The following CLPB variants were observed in gnomAD, a reference collection of about 807,000 sequenced individuals.
The protein encoded by CLPB is ClpB family mitochondrial disaggregase, also known as mitochondrial disaggregase.
A neutral mutation model predicts 78.4 loss-of-function variants in CLPB; 40 were observed. That is an observed-to-expected ratio of 0.51 (90% CI 0.40 to 0.66). CLPB has a LOEUF of 0.66. CLPB is among the 30% of genes least tolerant of loss of function. The pLI, the probability that CLPB is intolerant of heterozygous loss-of-function variation, is 0.00. For missense variants in CLPB, 780 were observed against 886.9 expected, an observed-to-expected ratio of 0.88 and a Z score of 1.53; for synonymous variants, 333 against 348.0, an observed-to-expected ratio of 0.96 and a Z score of 0.48.
At chr11:72,300,303 C>T (rs1167389424) in intron 11 of CLPB, among the ~76,000 whole-genome samples, 1 of 152,122 alleles carries the variant, frequency 6.6e-6, no homozygotes, top group Non-Finnish European at 1.5e-5. Flanking sequence ...CTGAAGACAG[C>T]GAATGGCACA....
At chr11:72,304,104 C>T (rs1949705737) in intron 9 of CLPB, 1 of 152,172 alleles carries the variant, frequency 6.6e-6, no homozygotes, top group Non-Finnish European at 1.5e-5. Flanking sequence ...GGGTTCTCAC[C>T]CTAGTTCTTC....
intron 11 of CLPB, among the ~76,000 whole-genome samples, chr11:72,299,129 G>A (rs758283048): frequency 6.6e-6 from 1 of 152,080 alleles, no homozygotes; most frequent in African/African-American, 2.4e-5. Flanking sequence ...TGTGTTCGCC[G>A]CCTTAGCTGA....
At chr11:72,372,947 T>A in intron 4 of CLPB, 2 of 1,614,082 alleles carry the variant, frequency 1.2e-6, no homozygotes, top group Non-Finnish European at 1.7e-6. Flanking sequence ...GTCCTAGCCA[T>A]CTCCTGAACT....
At chr11:72,407,712 T>C (rs1855750448) in intron 2 of CLPB, among the ~76,000 whole-genome samples, 2 of 151,650 alleles carry the variant, frequency 1.3e-5, no homozygotes, top group South Asian at 4.2e-4. Flanking sequence ...AGTGGCACGA[T>C]CTCGGCTCAC....
At chr11:72,370,094 C>T (rs1336046898) in intron 4 of CLPB, among the ~76,000 whole-genome samples, 1 of 152,146 alleles carries the variant, frequency 6.6e-6, no homozygotes, top group Admixed American at 6.5e-5. Context: ...TTCCTGCTAT[C>T]CATATAAATG....
chr11:72,293,212 G>T lies in CLPB; in HGVS notation c.*155C>A. Reference sequence around the variant, plus strand: ...CGAAATTCCTCCTTCAGGTTTTGGGGCTGAGAAGGGGTCTTCATGGGCTGT... The same window carrying T: ...CGAAATTCCTCCTTCAGGTTTTGGGTCTGAGAAGGGGTCTTCATGGGCTGT... On this transcript the variant is annotated 3_prime_UTR_variant, in exon 16 of 16. Transcript: ENST00000538039. 2.2e-6 allele frequency: 2 copies of T among 915,268 alleles called. No individual in the cohort carries two copies. The highest frequency in any genetic ancestry group is 1.6e-6 in the Non-Finnish European group (1 of 614,936). The allele number at this position is 915,268 out of a possible 1,614,324, so 56.7% of individuals were successfully genotyped here. A position where few individuals can be genotyped will look rare whatever the true frequency, so the allele number is the denominator to read the frequency against.
chr11:72,404,525 C>A (rs1289971891), intron 2 of CLPB, among the ~76,000 whole-genome samples: 1 of 152,202 alleles, frequency 6.6e-6, no homozygotes, highest in Non-Finnish European at 1.5e-5. Flanking sequence ...ACTGTCAAAG[C>A]CCAAGGGGGA....
chr11:72,298,442 C>A (rs1315286626), intron 11 of CLPB, among the ~76,000 whole-genome samples: 1 of 152,196 alleles, frequency 6.6e-6, no homozygotes, highest in Non-Finnish European at 1.5e-5. Context: ...TTGTCAGTGT[C>A]CCCTCTACCC....
chr11:72,359,100 C>A (rs1950783930), intron 4 of CLPB, 92 bp from the exon 5 acceptor site: 2 of 1,582,838 alleles, frequency 1.3e-6, no homozygotes, highest in East Asian at 4.5e-5. Context: ...AATTCACTCA[C>A]TCATCTACCT....
At chr11:72,357,268 T>A (rs758540246) in intron 5 of CLPB, 3 of 152,226 alleles carry the variant, frequency 2.0e-5, no homozygotes, top group African/African-American at 7.2e-5. Flanking sequence ...CAGAGGCCAA[T>A]GAGAAGATGA....
chr11:72,341,455 T>C (rs1053986492), intron 5 of CLPB, among the ~76,000 whole-genome samples: 3 of 152,182 alleles, frequency 2.0e-5, no homozygotes, highest in Non-Finnish European at 4.4e-5. Context: ...AAAATTGCTG[T>C]GGGGGAACAG....
At position 72,302,287 on chromosome 11, in the gene CLPB, G is replaced by A. The variant is rs1386916271; in HGVS notation, c.1167+17C>T. The A allele has an allele frequency of 6.2e-7, 1 of 1,613,402 alleles. No individual in the cohort carries two copies. Among genetic ancestry groups the A allele is most frequent in the East Asian group, 2.2e-5 (1 of 44,878 alleles). On this transcript the variant is annotated intron_variant, in intron 10 of 15. Transcript: ENST00000538039. ...GCCCTCCAAACCATGCTTCAATCAAGGACTGTCATCACTCACCTCGTGTCG... is the reference window on the plus strand; with the variant it reads ...GCCCTCCAAACCATGCTTCAATCAAAGACTGTCATCACTCACCTCGTGTCG...
rs1210900754 is a variant in CLPB, at chr11:72,412,930, T to A, written c.456-9878A>T. ...GCTCAGATTATTTTTTAACTTTTTA[T>A]TTTGAAATAATTTCAAACTTATAGA... On this transcript the variant is annotated intron_variant, in intron 2 of 15. Coordinates refer to ENST00000538039, the MANE Select transcript of CLPB (RefSeq NM_001258392.3). Among the ~76,000 whole-genome samples, 7 of 152,324 alleles carry A rather than the reference T, an allele frequency of 4.6e-5. No homozygotes were observed. In the East Asian group the frequency reaches 1.3e-3, roughly 29 times the overall value.
intron 2 of CLPB, among the ~76,000 whole-genome samples, chr11:72,422,559 A>C (rs769720342): frequency 6.6e-6 from 1 of 152,204 alleles, no homozygotes; most frequent in Non-Finnish European, 1.5e-5. Flanking sequence ...AGCTCTCACT[A>C]TAAGTATCAA....
At chr11:72,305,784 C>T (rs1949736296) in intron 9 of CLPB, among the ~76,000 whole-genome samples, 1 of 152,204 alleles carries the variant, frequency 6.6e-6, no homozygotes, top group African/African-American at 2.4e-5. Context: ...TTTTAACAAG[C>T]CCCCTCTCCT....
At position 72,288,932 on chromosome 11, in the gene CLPB, C is replaced by T. The variant is rs762524834; in HGVS notation, c.*4435G>A. ...TTGGAGACGGAGGCTGGCTCTGTCACCAGGCTGGAGTGCAGTGGCACAATT... is the reference window on the plus strand; with the variant it reads ...TTGGAGACGGAGGCTGGCTCTGTCATCAGGCTGGAGTGCAGTGGCACAATT... On this transcript the variant is annotated 3_prime_UTR_variant, in exon 16 of 16. Transcript: ENST00000538039. The T allele has an allele frequency of 1.3e-5, 2 of 152,234 alleles. No individual in the cohort carries two copies. The highest frequency in any genetic ancestry group is 2.9e-5 in the Non-Finnish European group (2 of 68,066). 9.4% of individuals were successfully genotyped at this position (152,234 alleles called of 1,614,324 possible).
rs1257631768 is a variant in CLPB at position 72,288,210 on chromosome 11, G to A, written c.*5157C>T. On this transcript the variant is annotated 3_prime_UTR_variant, in exon 16 of 16. Transcript: ENST00000538039. ...GATCCTCAATAAGGAATTTGGGGCC[G>A]GGTACAGTCGTTGACGCTTGTAATC... 1 of 152,206 alleles carries A rather than the reference G, an allele frequency of 6.6e-6. No homozygotes were observed. The highest frequency in any genetic ancestry group is 1.5e-5 in the Non-Finnish European group (1 of 68,026). The allele number at this position is 152,206 out of a possible 1,614,324, so 9.4% of individuals were successfully genotyped here.
chr11:72,379,352 T>A (rs1019714122), intron 4 of CLPB, among the ~76,000 whole-genome samples: 1 of 152,212 alleles, frequency 6.6e-6, no homozygotes, highest in African/African-American at 2.4e-5. Context: ...CCTCTGTGAA[T>A]GATCCAGGAC....
In CLPB at chr11:72,295,549, G is replaced by A. The variant is rs77345581; in HGVS notation, c.1429C>T (p.Leu477=). 1.4e-4 allele frequency: 225 copies of A among 1,614,216 alleles called. 2 individuals carry two copies. In the East Asian group the frequency reaches 3.7e-3, roughly 27 times the overall value. ...VASDEIAQHA[L]QLRQEALEMS... ...TCCAAAGCTTCCTGCCTCAGCTGCA[G>A]CGCGTGCTGTGCGATCTCGTCGCTG... Residue 477 remains leucine (L), a synonymous_variant, in exon 12 of 16, where the codon CTG becomes TTG. Transcript: ENST00000538039.
Sources: allele counts gnomAD v4.1 joint callset (sites outside exome capture counted in the v4.1 genomes callset), GRCh38; gene constraint gnomAD v4.1.1; transcripts MANE v1.5; gene names NCBI Gene and HGNC (gene_info 2026-07-23, HGNC 2026-07-21).